BMP1: variants seen among roughly 807,000 people sequenced by gnomAD.
BMP1 encodes mammalian tolloid protein.
In BMP1, 63 loss-of-function variants were observed where a neutral mutation model predicts 116.8. The ratio of observed to expected loss-of-function variants is 0.54; its 90% CI spans 0.44 to 0.67. BMP1 has a LOEUF of 0.67. BMP1 is among the 30% of genes least tolerant of loss of function. BMP1 has a pLI of 0.00. For missense variants in BMP1, 1,183 were observed against 1,358.9 expected (o/e 0.87, Z 2.04); for synonymous variants, 536 against 533.4 (o/e 1.00, Z -0.07).
intron 8 of BMP1, among the ~76,000 whole-genome samples, chr8:22,190,461 G>T (rs1002424654): frequency 1.3e-5 from 2 of 152,180 alleles, no homozygotes; most frequent in African/African-American, 4.8e-5. Flanking sequence ...AGAACTGACG[G>T]AAAGGCTGGA....
At chr8:22,173,402 A>C (rs1163155466) in intron 1 of BMP1, among the ~76,000 whole-genome samples, 200 bp from the exon 2 acceptor site, 1 of 152,204 alleles carries the variant, frequency 6.6e-6, no homozygotes, top group Non-Finnish European at 1.5e-5. Context: ...ATTTTAACTG[A>C]AAAGTAAGCA....
intron 8 of BMP1, among the ~76,000 whole-genome samples, chr8:22,181,552 C>CTTT (rs113535839): frequency 7.0e-6 from 1 of 143,572 alleles, no homozygotes; most frequent in Non-Finnish European, 1.5e-5. Flanking sequence ...CTAGCCAGCT[C>CTTT]TTTTTTTTTT....
At chr8:22,199,762 A>G (rs1046264976) in intron 15 of BMP1, among the ~76,000 whole-genome samples, 3 of 152,060 alleles carry the variant, frequency 2.0e-5, no homozygotes, top group African/African-American at 7.2e-5. Context: ...CTTCACCCCC[A>G]CATTTTCTGC....
Position 22,211,969 on chromosome 8 carries a change from T to C in BMP1, c.*241T>C. 1.7e-6 allele frequency: 1 copy of C among 580,708 alleles called. No individual in the cohort carries two copies. The highest frequency in any genetic ancestry group is 3.1e-5 in the Admixed American group (1 of 32,704). 36.0% of individuals were successfully genotyped at this position (580,708 alleles called of 1,614,324 possible). A position where few individuals can be genotyped will look rare whatever the true frequency, so the allele number is the denominator to read the frequency against. On this transcript the variant is annotated 3_prime_UTR_variant, in exon 20 of 20. Transcript: ENST00000306385. ...CAGGGAGCAGAGCTTCCACAAGACA[T>C]TTCGAAGTCATCATTCCTCTCTTAG... is the stretch of plus-strand genomic sequence containing the variant.
chr8:22,184,181 C>G lies in BMP1; in HGVS notation c.1077+3698C>G, dbSNP rs1054106731. On this transcript the variant is annotated intron_variant, in intron 8 of 19. Transcript: ENST00000306385. ...CAGATGCACAAGACGGTCCCTGGCC[C>G]TGAGCAGTGGAGTCAGGTGGCACGC... Among the ~76,000 whole-genome samples the G allele has an allele frequency of 5.9e-5, 9 of 152,350 alleles. 1 individual carries two copies. The highest frequency in any genetic ancestry group is 1.9e-4 in the African/African-American group (8 of 41,576).
chr8:22,188,809 C>T (rs1315667794), intron 8 of BMP1, among the ~76,000 whole-genome samples: 2 of 152,192 alleles, frequency 1.3e-5, no homozygotes, highest in Admixed American at 1.3e-4. Context: ...GTTTCTTCCT[C>T]AGCAGCTGTG....
At chr8:22,197,557 A>G in intron 15 of BMP1, 137 bp downstream of exon 15, 1 of 932,636 alleles carries the variant, frequency 1.1e-6, no homozygotes, top group Non-Finnish European at 1.6e-6. Context: ...GCTCCCCACC[A>G]CTTCACTCTC....
At position 22,211,981 on chromosome 8, in the gene BMP1, C is replaced by G. The variant is rs907119849; in HGVS notation, c.*253C>G. On this transcript the variant is annotated 3_prime_UTR_variant, in exon 20 of 20. Coordinates refer to ENST00000306385, the MANE Select transcript of BMP1 (RefSeq NM_006129.5). Reference sequence around the variant, plus strand: ...CTTCCACAAGACATTTCGAAGTCATCATTCCTCTCTTAGGGGGCCCTGCCT... The same window carrying G: ...CTTCCACAAGACATTTCGAAGTCATGATTCCTCTCTTAGGGGGCCCTGCCT... The G allele has an allele frequency of 1.4e-5, 8 of 555,866 alleles. No homozygotes were observed. The Middle Eastern group carries it at 1.5e-3, about 101-fold the overall frequency. 34.4% of individuals were successfully genotyped at this position (555,866 alleles called of 1,614,324 possible).
chr8:22,210,468 T>TCTCTCTCTCACACACACACACA (rs10664439), intron 19 of BMP1, among the ~76,000 whole-genome samples: 4 of 135,500 alleles, frequency 3.0e-5, no homozygotes, highest in African/African-American at 1.2e-4. Context: ...TCTCTCTCTC[T>TCTCTCTCTCACACACACACACA]CACACACATA....
intron 8 of BMP1, among the ~76,000 whole-genome samples, chr8:22,188,403 C>G (rs1331453632): frequency 6.6e-6 from 1 of 152,118 alleles, no homozygotes; most frequent in Non-Finnish European, 1.5e-5. Flanking sequence ...CTCCTGAGCT[C>G]AAGCGATCCT....
chr8:22,210,364 CTTCTTTT>C (rs1563284298), intron 19 of BMP1, among the ~76,000 whole-genome samples: 1 of 130,452 alleles, frequency 7.7e-6, no homozygotes, highest in Non-Finnish European at 1.6e-5. Flanking sequence ...GCTGCCTCTT[CTTCTTTT>C]TTTTTTTTTT....
At chr8:22,171,296 C>T (rs955365023) in intron 1 of BMP1, 1 of 152,188 alleles carries the variant, frequency 6.6e-6, no homozygotes. Context: ...CTAAACCTAG[C>T]CACTTAGGTT....
chr8:22,207,455 C>A lies in BMP1; in HGVS notation c.2514C>A (p.Phe838Leu). The change falls in exon 18 of 20, where the codon TTC (phenylalanine) becomes TTA (leucine). Residue 838 changes from phenylalanine (F) to leucine (L), a missense_variant. This residue lies in a region of BMP1 where 956 missense variants were observed against 1,135.2 expected (regional missense o/e 0.84). Coordinates refer to ENST00000306385, the MANE Select transcript of BMP1 (RefSeq NM_006129.5). ...TCCTGGCCACAGGCAGCCGCATGTT[C>A]CTGCGCTTCTACTCAGATAACTCGG... ...EPVLATGSRMFLRFYSDNSVQ... is the reference protein window; with the variant it reads ...EPVLATGSRMLLRFYSDNSVQ... 6.2e-7 allele frequency: 1 copy of A among 1,614,112 alleles called. No homozygotes were observed. Among genetic ancestry groups the A allele is most frequent in the Non-Finnish European group, 8.5e-7 (1 of 1,180,040 alleles).
chr8:22,198,952 G>C (rs144021646), intron 15 of BMP1: 4 of 1,266,354 alleles, frequency 3.2e-6, no homozygotes, highest in Admixed American at 5.2e-5. Context: ...ACACCCACTC[G>C]GGGCAGGCTC....
chr8:22,196,543 G>C, intron 13 of BMP1, 137 bp from the exon 14 acceptor site: 1 of 1,357,788 alleles, frequency 7.4e-7, no homozygotes. Context: ...CGCCCCAGAG[G>C]GACCAGACAC....
Position 22,196,591 on chromosome 8 carries a change from C to G in BMP1, c.1766-89C>G, listed in dbSNP as rs1269821818. ...CTTGGGGAGTCCACAGGCTCCCCAT[C>G]TTCTCCTTACTGCATCCCAGCCCAC... On this transcript the variant is annotated intron_variant, in intron 13 of 19. Coordinates refer to ENST00000306385, the MANE Select transcript of BMP1 (RefSeq NM_006129.5). The G allele has an allele frequency of 3.2e-6, 5 of 1,582,770 alleles. No individual in the cohort carries two copies. The East Asian group carries it at 8.9e-5, about 28-fold the overall frequency.
chr8:22,191,926 C>T (rs1240510315), intron 8 of BMP1, 123 bp from the exon 9 acceptor site: 3 of 756,852 alleles, frequency 4.0e-6, no homozygotes, highest in Non-Finnish European at 6.5e-6. Flanking sequence ...CTTTTGGGAG[C>T]CCCTTAACTC....
chr8:22,196,869 G>A, intron 14 of BMP1, 29 bp downstream of exon 14: 1 of 1,594,982 alleles, frequency 6.3e-7, no homozygotes. Context: ...CTGAGGTGGG[G>A]CAGGAAGCTG....
intron 8 of BMP1, among the ~76,000 whole-genome samples, chr8:22,185,057 TC>T (rs1441323978): frequency 6.6e-5 from 10 of 150,820 alleles, no homozygotes; most frequent in African/African-American, 2.4e-4. Flanking sequence ...TCTTTTTGGA[TC>T]CCCCAAGTCT....
Sources: allele counts gnomAD v4.1 joint callset (sites outside exome capture counted in the v4.1 genomes callset), GRCh38; gene constraint gnomAD v4.1.1; regional missense constraint gnomAD v4.1.1; transcripts MANE v1.5; gene names NCBI Gene and HGNC (gene_info 2026-07-23, HGNC 2026-07-21).